The following PCAT7 variants were observed in gnomAD, a reference collection of about 807,000 sequenced individuals.
PCAT7 encodes prostate cancer associated transcript 7 (non-protein coding).
chr9:94,559,055 C>A, exon 2 of PCAT7: 1 of 1,614,162 alleles, frequency 6.2e-7, no homozygotes, highest in Non-Finnish European at 8.5e-7. Context: ...CCAGTACAGG[C>A]TGGGTCCCCG....
intron 2 of PCAT7, chr9:94,559,216 T>G: frequency 1.3e-4 from 159 of 1,221,840 alleles, no homozygotes; most frequent in Middle Eastern, 2.8e-4. Context: ...GGGAGGAGTT[T>G]GTACTGCGGT....
chr9:94,574,450 A>T (rs1827298060), intron 3 of PCAT7, among the ~76,000 whole-genome samples: 1 of 151,894 alleles, frequency 6.6e-6, no homozygotes, highest in African/African-American at 2.4e-5. Flanking sequence ...GACCATTTTT[A>T]TTTTGTAAGT....
chr9:94,571,653 A>C, intron 2 of PCAT7: 1 of 1,527,540 alleles, frequency 6.5e-7, no homozygotes. Flanking sequence ...TCTGGAGAGA[A>C]CACTTTGCCA....
At chr9:94,573,739 TAA>T (rs1245974465) in intron 3 of PCAT7, among the ~76,000 whole-genome samples, 1 of 152,236 alleles carries the variant, frequency 6.6e-6, no homozygotes, top group Non-Finnish European at 1.5e-5. Context: ...AATATTTTGT[TAA>T]GAGTTTTTGC....
intron 2 of PCAT7, chr9:94,563,252 G>A: frequency 7.0e-7 from 1 of 1,419,114 alleles, no homozygotes; most frequent in Non-Finnish European, 9.6e-7. Flanking sequence ...ATGCCATGAA[G>A]CAGTGCAGTA....
At chr9:94,571,683 T>C in intron 2 of PCAT7, 1 of 1,282,828 alleles carries the variant, frequency 7.8e-7, no homozygotes, top group Admixed American at 2.4e-5. Context: ...GCTTCAGATC[T>C]CCTCGAATCA....
intron 1 of PCAT7, among the ~76,000 whole-genome samples, chr9:94,556,850 G>T (rs1034427942): frequency 6.6e-6 from 1 of 152,144 alleles, no homozygotes. Flanking sequence ...ATTTTGAGTA[G>T]ATTTTTGTAT....
intron 2 of PCAT7, chr9:94,569,310 C>T (rs1827239508): frequency 6.6e-6 from 1 of 152,312 alleles, no homozygotes; most frequent in South Asian, 2.1e-4. Context: ...TTCCTGCTTC[C>T]TGGTCCTCTA....
At chr9:94,574,414 G>C (rs1238103990) in intron 3 of PCAT7, among the ~76,000 whole-genome samples, 1 of 151,938 alleles carries the variant, frequency 6.6e-6, no homozygotes, top group Non-Finnish European at 1.5e-5. Flanking sequence ...TTATGAGTCA[G>C]GTAAAACCTT....
intron 2 of PCAT7, chr9:94,563,534 G>C (rs1326280172): frequency 5.2e-6 from 8 of 1,551,692 alleles, no homozygotes; most frequent in Non-Finnish European, 7.0e-6. Flanking sequence ...GTGGTCACAA[G>C]TCCAGTTGGT....
chr9:94,555,243 G>A (rs1212703686), exon 1 of PCAT7: 1 of 151,986 alleles, frequency 6.6e-6, no homozygotes, highest in Non-Finnish European at 1.5e-5. Flanking sequence ...CTTGAGCCGC[G>A]GCACCGTGGC....
chr9:94,562,761 T>C (rs1827128029), intron 2 of PCAT7, among the ~76,000 whole-genome samples: 1 of 152,156 alleles, frequency 6.6e-6, no homozygotes, highest in Non-Finnish European at 1.5e-5. Context: ...ATAATACAAG[T>C]ATTTTAAGTT....
chr9:94,560,711 A>G (rs970974860), intron 2 of PCAT7, among the ~76,000 whole-genome samples: 9 of 146,794 alleles, frequency 6.1e-5, no homozygotes, highest in African/African-American at 7.5e-5. Flanking sequence ...TTTATATGTT[A>G]TTATATATTA....
chr9:94,562,365 C>T (rs1290430455), intron 2 of PCAT7, among the ~76,000 whole-genome samples: 1 of 150,804 alleles, frequency 6.6e-6, no homozygotes, highest in Non-Finnish European at 1.5e-5. Context: ...CTACTTGCCT[C>T]ACTTAGTCCT....
At chr9:94,573,907 A>T (rs1300764853) in intron 3 of PCAT7, among the ~76,000 whole-genome samples, 1 of 152,136 alleles carries the variant, frequency 6.6e-6, no homozygotes, top group Non-Finnish European at 1.5e-5. Flanking sequence ...AATATTTGTT[A>T]TGTTTTTCCA....
At chr9:94,567,579 G>C in intron 2 of PCAT7, 1 of 647,608 alleles carries the variant, frequency 1.5e-6, no homozygotes, top group East Asian at 2.7e-5. Context: ...GGGAAGAATA[G>C]GGACCATATG....
intron 2 of PCAT7, chr9:94,569,894 T>C (rs899054312): frequency 6.6e-6 from 1 of 152,218 alleles, no homozygotes; most frequent in East Asian, 1.9e-4. Flanking sequence ...GCTGCCTCCA[T>C]AAGCTACTGG....
intron 2 of PCAT7, among the ~76,000 whole-genome samples, chr9:94,561,600 C>T (rs62578748): frequency 0.4 from 61,346 of 151,744 alleles, 13,865 homozygotes; most frequent in Admixed American, 0.52. Flanking sequence ...CTTCTGACCT[C>T]GTGATCCACC....
chr9:94,560,183 A>T (rs1224518953), intron 2 of PCAT7, among the ~76,000 whole-genome samples: 2 of 152,170 alleles, frequency 1.3e-5, no homozygotes, highest in Non-Finnish European at 2.9e-5. Context: ...GTCCCAGCCG[A>T]GGGCAGAAAC....
Sources: gnomAD v4.1 joint callset for allele counts (sites outside exome capture counted in the v4.1 genomes callset) on GRCh38, gnomAD v4.1.1 for gene constraint, MANE v1.5 for transcripts, NCBI Gene and HGNC (gene_info 2026-07-23, HGNC 2026-07-21) for gene names.